The following LRRC49 variants were observed in gnomAD, a reference collection of about 807,000 sequenced individuals.
LRRC49 encodes the protein leucine rich repeat containing 49.
In LRRC49, 50 loss-of-function variants were observed where a neutral mutation model predicts 83.3. The observed-to-expected ratio is 0.60, with a 90% confidence interval of 0.48 to 0.76. The LOEUF is 0.76. Among genes scored for constraint, LRRC49 ranks in the 30% least tolerant of loss-of-function variants. The probability of loss-of-function intolerance (pLI) is 0.00; values close to 1 mark genes in which losing one functional copy is unlikely to be tolerated. For synonymous variants in LRRC49, 286 were observed against 283.3 expected (o/e 1.01, Z -0.10); for missense variants, 704 against 809.1 (o/e 0.87, Z 1.58).
intron 1 of LRRC49, among the ~76,000 whole-genome samples, chr15:70,863,771 T>C (rs1290436160): frequency 1.3e-5 from 2 of 152,174 alleles, no homozygotes; most frequent in Non-Finnish European, 2.9e-5. Context: ...CTGAGCCCTG[T>C]GGAAAGCTAG....
chr15:70,933,885 T>C (rs2035504511), intron 7 of LRRC49, among the ~76,000 whole-genome samples: 1 of 152,204 alleles, frequency 6.6e-6, no homozygotes, highest in Non-Finnish European at 1.5e-5. Flanking sequence ...CTGAGATTAA[T>C]AGCTGTCTCA....
At chr15:70,880,138 T>C (rs1252831404) in intron 2 of LRRC49, among the ~76,000 whole-genome samples, 1 of 152,182 alleles carries the variant, frequency 6.6e-6, no homozygotes, top group Non-Finnish European at 1.5e-5. Flanking sequence ...TTCCCTCAGA[T>C]CATTGCGTGG....
At chr15:70,939,424 CTG>C (rs2035721254) in intron 8 of LRRC49, among the ~76,000 whole-genome samples, 1 of 152,114 alleles carries the variant, frequency 6.6e-6, no homozygotes, top group Admixed American at 6.5e-5. Flanking sequence ...GTCATTTAGT[CTG>C]TGTTTAATGT....
chr15:70,936,452 T>C, intron 7 of LRRC49: 1 of 268,358 alleles, frequency 3.7e-6, no homozygotes, highest in Non-Finnish European at 6.9e-6. Flanking sequence ...TGTGCTACAG[T>C]TGAAGTGCTG....
chr15:70,964,044 A>G (rs2036706141), intron 9 of LRRC49, 112 bp downstream of exon 9: 1 of 1,038,232 alleles, frequency 9.6e-7, no homozygotes, highest in Non-Finnish European at 1.4e-6. Flanking sequence ...ACTATGGGTT[A>G]TCATGATTGT....
Position 70,911,609 on chromosome 15 carries a change from G to A in LRRC49, c.567+11G>A, listed in dbSNP as rs1279522616. 4 of 1,494,142 alleles carry A rather than the reference G, an allele frequency of 2.7e-6. No homozygotes were observed. The highest frequency in any genetic ancestry group is 2.6e-5 in the South Asian group (2 of 76,412). The allele number at this position is 1,494,142 out of a possible 1,614,324, so 92.6% of individuals were successfully genotyped here. ...CTTCATGGAAATCAGGTATTGTAAA[G>A]CCCTTTCATTTCTTTCTTTTTTGAA... On this transcript the variant is annotated intron_variant, in intron 6 of 15. Coordinates refer to ENST00000260382, the MANE Select transcript of LRRC49 (RefSeq NM_017691.5).
At chr15:70,905,105 C>T (rs1020817417) in intron 5 of LRRC49, among the ~76,000 whole-genome samples, 7 of 152,172 alleles carry the variant, frequency 4.6e-5, no homozygotes, top group African/African-American at 1.4e-4. Context: ...TGACTCTTCC[C>T]AGTGTTTGAC....
At position 70,952,074 on chromosome 15, in the gene LRRC49, T is replaced by C. The variant is rs183437121; in HGVS notation, c.774-11711T>C. On this transcript the variant is annotated intron_variant, in intron 8 of 15. Transcript: ENST00000260382. Reference sequence around the variant, plus strand: ...TATGTGGTGAATCACATTTATTGATTTGTGTATGTTGAACCAACTTTGCAT... The same window carrying C: ...TATGTGGTGAATCACATTTATTGATCTGTGTATGTTGAACCAACTTTGCAT... 2.5e-3 allele frequency among the ~76,000 whole-genome samples: 386 copies of C among 152,272 alleles called. 2 individuals carry two copies. Among genetic ancestry groups the C allele is most frequent in the African/African-American group, 8.7e-3 (361 of 41,562 alleles).
intron 14 of LRRC49, among the ~76,000 whole-genome samples, chr15:71,032,358 T>C (rs537997756): frequency 6.6e-6 from 1 of 152,076 alleles, no homozygotes; most frequent in Non-Finnish European, 1.5e-5. Flanking sequence ...CAGTTGGAAA[T>C]GCAGAAATCA....
chr15:70,999,924 A>G (rs931315537), intron 11 of LRRC49, among the ~76,000 whole-genome samples: 1 of 152,214 alleles, frequency 6.6e-6, no homozygotes. Flanking sequence ...TACAAAGGCA[A>G]GCCCTTGAGC....
At chr15:70,952,892 T>C (rs1464373162) in intron 8 of LRRC49, among the ~76,000 whole-genome samples, 1 of 152,154 alleles carries the variant, frequency 6.6e-6, no homozygotes, top group East Asian at 1.9e-4. Context: ...TGTAATGCCC[T>C]TTCTTTGTCC....
Position 70,919,081 on chromosome 15 carries a change from G to A in LRRC49, c.599G>A (p.Cys200Tyr). 1.9e-6 allele frequency: 3 copies of A among 1,612,072 alleles called. No homozygotes were observed. Among genetic ancestry groups the A allele is most frequent in the Non-Finnish European group, 2.5e-6 (3 of 1,178,790 alleles). The change falls in exon 7 of 16, where the codon TGT becomes TAT. Residue 200 changes from cysteine to tyrosine, a missense_variant. Physicochemically the swap from Cys to Tyr is radical, Grantham distance 194. This residue lies in a region of LRRC49 where 261 missense variants were observed against 330.5 expected (regional missense o/e 0.79). Transcript: ENST00000260382. Reference sequence around the variant, plus strand: ...AAAATTGAAAATATTAATCATTTGTGTGAGTTGAGAGTTTTAAATCTTGCC... The same window carrying A: ...AAAATTGAAAATATTAATCATTTGTATGAGTTGAGAGTTTTAAATCTTGCC... ...ITKIENINHL[C>Y]ELRVLNLARN...
At chr15:70,927,373 G>T (rs1431393066) in intron 7 of LRRC49, among the ~76,000 whole-genome samples, 2 of 151,778 alleles carry the variant, frequency 1.3e-5, no homozygotes, top group South Asian at 2.1e-4. Context: ...CTAGATGCAG[G>T]TCCTTTGTTT....
At chr15:70,997,286 C>A (rs190479913) in intron 11 of LRRC49, among the ~76,000 whole-genome samples, 4 of 152,240 alleles carry the variant, frequency 2.6e-5, no homozygotes, top group Non-Finnish European at 5.9e-5. Context: ...ATAAAATGTT[C>A]TTCCTTGACT....
chr15:70,963,478 A>G (rs989166164), intron 8 of LRRC49, among the ~76,000 whole-genome samples: 1 of 152,046 alleles, frequency 6.6e-6, no homozygotes, highest in Non-Finnish European at 1.5e-5. Flanking sequence ...TAAATGTAAT[A>G]TGGTATCCTC....
At chr15:70,973,054 A>T (rs1665482809) in intron 9 of LRRC49, among the ~76,000 whole-genome samples, 1 of 152,034 alleles carries the variant, frequency 6.6e-6, no homozygotes, top group Non-Finnish European at 1.5e-5. Context: ...GATCCTTTGG[A>T]GAAGTGGCAT....
chr15:71,035,289 A>G (rs964634419), intron 14 of LRRC49, among the ~76,000 whole-genome samples: 2 of 152,200 alleles, frequency 1.3e-5, no homozygotes, highest in African/African-American at 2.4e-5. Context: ...ACAAAAATTT[A>G]TAGAAGAAGT....
chr15:70,882,744 G>A (rs1280841101), intron 2 of LRRC49: 1 of 1,613,862 alleles, frequency 6.2e-7, no homozygotes, highest in Non-Finnish European at 8.5e-7. Flanking sequence ...TTAATCCATT[G>A]AAGAGTCAAA....
At chr15:70,936,573 G>A (rs1016925226) in intron 7 of LRRC49, 188 bp from the exon 8 acceptor site, 3 of 541,300 alleles carry the variant, frequency 5.5e-6, no homozygotes, top group East Asian at 2.9e-5. Context: ...CTTGTTCTGC[G>A]GATGTACTGA....
Sources: allele counts gnomAD v4.1 joint callset (sites outside exome capture counted in the v4.1 genomes callset), GRCh38; gene constraint gnomAD v4.1.1; regional missense constraint gnomAD v4.1.1; transcripts MANE v1.5; gene names NCBI Gene and HGNC (gene_info 2026-07-23, HGNC 2026-07-21).